MACROD2: variants seen among roughly 807,000 people sequenced by gnomAD.
MACROD2 encodes the protein mono-ADP ribosylhydrolase 2, also known as ADP-ribose glycohydrolase MACROD2.
MACROD2 carries 36 observed loss-of-function variants against 70.4 expected under a neutral mutation model. That is an observed-to-expected ratio of 0.51 (90% CI 0.39 to 0.68). The LOEUF (loss-of-function observed/expected upper bound fraction) is 0.68, where lower values mean the gene tolerates loss of function less well. Ranked by LOEUF, MACROD2 falls within the 30% of genes least tolerant of loss-of-function variation. The pLI is 0.00. For synonymous variants in MACROD2, 172 were observed against 178.8 expected, an observed-to-expected ratio of 0.96 and a Z score of 0.30; for missense variants, 496 against 538.4, an observed-to-expected ratio of 0.92 and a Z score of 0.78.
intron 2 of MACROD2, among the ~76,000 whole-genome samples, chr20:14,030,174 G>A (rs1187459341): frequency 6.6e-6 from 1 of 152,116 alleles, no homozygotes; most frequent in African/African-American, 2.4e-5. Context: ...GAGTAGCTAG[G>A]ACTACGGAAA....
At chr20:14,575,164 A>G (rs2123330305) in intron 4 of MACROD2, among the ~76,000 whole-genome samples, 1 of 152,106 alleles carries the variant, frequency 6.6e-6, no homozygotes, top group African/African-American at 2.4e-5. Flanking sequence ...TTAAACTGAT[A>G]AAATTTAAAA....
At chr20:15,227,823 G>GTTTTTATTTT in intron 5 of MACROD2, among the ~76,000 whole-genome samples, 1 of 46,092 alleles carries the variant, frequency 2.2e-5, no homozygotes, top group African/African-American at 9.7e-5. Flanking sequence ...AATTTCACCT[G>GTTTTTATTTT]TTTTTTTTTT....
At chr20:15,931,972 G>T (rs6105498) in intron 10 of MACROD2, among the ~76,000 whole-genome samples, 8,130 of 152,180 alleles carry the variant, frequency 0.053, 485 homozygotes, top group African/African-American at 0.14. Flanking sequence ...GGAATTAAGA[G>T]TTGGTAGGAG....
At chr20:14,955,356 A>G (rs2074527005) in intron 5 of MACROD2, among the ~76,000 whole-genome samples, 1 of 146,678 alleles carries the variant, frequency 6.8e-6, no homozygotes. Flanking sequence ...TATTATATAT[A>G]TGCTGTATAT....
At chr20:15,445,750 A>G (rs897000648) in intron 7 of MACROD2, among the ~76,000 whole-genome samples, 1 of 152,144 alleles carries the variant, frequency 6.6e-6, no homozygotes, top group Non-Finnish European at 1.5e-5. Context: ...TGGAAATCAT[A>G]CTTGTCCTAG....
intron 8 of MACROD2, among the ~76,000 whole-genome samples, chr20:15,746,203 A>G (rs951480403): frequency 1.2e-4 from 19 of 152,074 alleles, no homozygotes; most frequent in Non-Finnish European, 7.4e-5. Context: ...ATAGAGCTTT[A>G]TAATTTTTTT....
intron 7 of MACROD2, among the ~76,000 whole-genome samples, chr20:15,476,527 A>T (rs1182121047): frequency 6.6e-6 from 1 of 151,988 alleles, no homozygotes; most frequent in Non-Finnish European, 1.5e-5. Flanking sequence ...CAAAACAAAC[A>T]TACAGGCTTG....
At chr20:14,490,084 T>A (rs1006260489) in intron 3 of MACROD2, among the ~76,000 whole-genome samples, 2 of 152,210 alleles carry the variant, frequency 1.3e-5, no homozygotes, top group Non-Finnish European at 2.9e-5. Context: ...GTGATCATTT[T>A]TCATTTAGGC....
At chr20:15,419,147 G>A (rs548439326) in intron 6 of MACROD2, among the ~76,000 whole-genome samples, 1 of 152,120 alleles carries the variant, frequency 6.6e-6, no homozygotes, top group African/African-American at 2.4e-5. Context: ...GGAAGAGTGG[G>A]TATTGGGGCA....
At chr20:14,250,682 T>C (rs1254864668) in intron 3 of MACROD2, among the ~76,000 whole-genome samples, 1 of 152,210 alleles carries the variant, frequency 6.6e-6, no homozygotes, top group Non-Finnish European at 1.5e-5. Flanking sequence ...TTCAAATATA[T>C]TGAATTGTCC....
At chr20:15,759,161 A>G (rs1486706657) in intron 8 of MACROD2, among the ~76,000 whole-genome samples, 2 of 151,140 alleles carry the variant, frequency 1.3e-5, no homozygotes, top group East Asian at 3.9e-4. Context: ...AAAAAAAAAA[A>G]AAAAACAGAA....
chr20:14,746,395 G>A (rs1165871791), intron 5 of MACROD2, among the ~76,000 whole-genome samples: 1 of 152,034 alleles, frequency 6.6e-6, no homozygotes, highest in African/African-American at 2.4e-5. Flanking sequence ...TGTTTTAAGG[G>A]TTTATTTTCT....
chr20:15,000,484 G>A (rs1424039683), intron 5 of MACROD2, among the ~76,000 whole-genome samples: 15 of 144,178 alleles, frequency 1.0e-4, no homozygotes, highest in East Asian at 7.8e-4. Flanking sequence ...TTAGCCGGGC[G>A]CGGTGGCGGG....
intron 7 of MACROD2, among the ~76,000 whole-genome samples, chr20:15,454,413 ACACAC>A (rs2046690085): frequency 2.3e-5 from 1 of 44,154 alleles, no homozygotes; most frequent in African/African-American, 6.3e-5. Context: ...TCAAACACAC[ACACAC>A]ACACACACAC....
chr20:15,419,617 G>A (rs2046201098), intron 6 of MACROD2, among the ~76,000 whole-genome samples: 1 of 152,168 alleles, frequency 6.6e-6, no homozygotes. Context: ...GCCTGGCAAT[G>A]GCCATGAGCT....
intron 5 of MACROD2, among the ~76,000 whole-genome samples, chr20:15,161,128 T>C (rs1355583705): frequency 6.6e-6 from 1 of 152,026 alleles, no homozygotes; most frequent in Admixed American, 6.6e-5. Flanking sequence ...TTCACCTCTC[T>C]GAGTCTCAGT....
chr20:16,026,191 A>C (rs1476410079), intron 15 of MACROD2, among the ~76,000 whole-genome samples: 3 of 147,812 alleles, frequency 2.0e-5, no homozygotes, highest in Non-Finnish European at 4.5e-5. Flanking sequence ...CAAACAAACA[A>C]AAACAAAGGA....
At chr20:14,561,124 A>T (rs1334631141) in intron 4 of MACROD2, among the ~76,000 whole-genome samples, 1 of 151,812 alleles carries the variant, frequency 6.6e-6, no homozygotes, top group Non-Finnish European at 1.5e-5. Context: ...GTCTAGATAG[A>T]GGTATATGGA....
intron 6 of MACROD2, among the ~76,000 whole-genome samples, chr20:15,312,368 A>G (rs559589011): frequency 5.1e-4 from 77 of 152,360 alleles, no homozygotes; most frequent in Non-Finnish European, 9.0e-4. Flanking sequence ...ATATTTGTAG[A>G]TAAAATAATA....
Sources: allele counts gnomAD v4.1 joint callset (sites outside exome capture counted in the v4.1 genomes callset), GRCh38; gene constraint gnomAD v4.1.1; transcripts MANE v1.5; gene names NCBI Gene and HGNC (gene_info 2026-07-23, HGNC 2026-07-21).